Variants in LGSN observed in about 807,000 individuals in gnomAD.
The protein encoded by LGSN is lengsin.
LGSN carries 21 observed loss-of-function variants against 19.5 expected under a neutral mutation model. That is an observed-to-expected ratio of 1.07 (90% CI 0.76 to 1.55). LGSN has a LOEUF of 1.55. Among genes scored for constraint, LGSN ranks in the 40% most tolerant of loss-of-function variants. The pLI is 0.00. For missense variants in LGSN, 673 were observed against 608.5 expected, an observed-to-expected ratio of 1.11 and a Z score of -1.12; for synonymous variants, 257 against 215.6, an observed-to-expected ratio of 1.19 and a Z score of -1.68.
chr6:63,496,561 A>G, the LGSN span, among the ~76,000 whole-genome samples: 1 of 152,202 alleles, frequency 6.6e-6, no homozygotes, highest in Non-Finnish European at 1.5e-5. Flanking sequence ...TGGGTTATAA[A>G]ATAGGCAACA....
the LGSN span, among the ~76,000 whole-genome samples, chr6:63,499,500 C>G: frequency 1.3e-5 from 2 of 152,022 alleles, no homozygotes; most frequent in Non-Finnish European, 2.9e-5. Flanking sequence ...GTTTTTCAAT[C>G]CCTTTTATTT....
the LGSN span, among the ~76,000 whole-genome samples, chr6:63,327,314 A>G: frequency 6.6e-6 from 1 of 152,234 alleles, no homozygotes; most frequent in Non-Finnish European, 1.5e-5. Flanking sequence ...AAGGTAAGTA[A>G]CAGCAAGATG....
chr6:63,391,139 C>T, the LGSN span, among the ~76,000 whole-genome samples: 2 of 152,128 alleles, frequency 1.3e-5, no homozygotes, highest in African/African-American at 2.4e-5. Context: ...TATTTAAAAT[C>T]TCGTTTTTAA....
At chr6:63,357,527 A>C in the LGSN span, among the ~76,000 whole-genome samples, 1 of 152,168 alleles carries the variant, frequency 6.6e-6, no homozygotes, top group Non-Finnish European at 1.5e-5. Context: ...CGCCATTCTA[A>C]CTAGTGTGAG....
chr6:63,283,327 T>C (rs980660969), intron 3 of LGSN, among the ~76,000 whole-genome samples: 2 of 152,126 alleles, frequency 1.3e-5, no homozygotes, highest in Admixed American at 1.3e-4. Flanking sequence ...TAGATCACTA[T>C]GGACCCAATA....
At chr6:63,423,722 G>T in the LGSN span, among the ~76,000 whole-genome samples, 1 of 151,600 alleles carries the variant, frequency 6.6e-6, no homozygotes, top group East Asian at 1.9e-4. Flanking sequence ...ACAACAAAGT[G>T]GCAAAATACT....
chr6:63,399,249 G>A, the LGSN span, among the ~76,000 whole-genome samples: 10 of 152,188 alleles, frequency 6.6e-5, no homozygotes, highest in South Asian at 2.1e-3. Context: ...CGGAGCAATA[G>A]GCTATACCTT....
At chr6:63,410,385 T>A in the LGSN span, among the ~76,000 whole-genome samples, 1 of 152,194 alleles carries the variant, frequency 6.6e-6, no homozygotes, top group East Asian at 1.9e-4. Flanking sequence ...AGTAAAGTCT[T>A]TATGGAATGT....
At chr6:63,335,428 C>G in the LGSN span, among the ~76,000 whole-genome samples, 1 of 151,802 alleles carries the variant, frequency 6.6e-6, no homozygotes, top group South Asian at 2.1e-4. Flanking sequence ...GTAAAAAACC[C>G]AAAGCACAAG....
At chr6:63,335,495 C>T in the LGSN span, among the ~76,000 whole-genome samples, 1 of 151,984 alleles carries the variant, frequency 6.6e-6, no homozygotes, top group African/African-American at 2.4e-5. Flanking sequence ...AGTGGGCAAA[C>T]GACATGAATA....
the LGSN span, chr6:63,549,258 G>A: frequency 1.4e-4 from 107 of 749,368 alleles, no homozygotes; most frequent in African/African-American, 1.7e-3. Flanking sequence ...CAGGGCCTGG[G>A]TGAACTGGTT....
chr6:63,490,640 A>G, the LGSN span, among the ~76,000 whole-genome samples: 1 of 151,932 alleles, frequency 6.6e-6, no homozygotes, highest in Non-Finnish European at 1.5e-5. Flanking sequence ...GTAGTGGTGC[A>G]ACTTCAGCTC....
intron 1 of LGSN, among the ~76,000 whole-genome samples, chr6:63,318,279 G>A (rs1768942199): frequency 6.6e-6 from 1 of 152,160 alleles, no homozygotes; most frequent in Non-Finnish European, 1.5e-5. Context: ...GGAATCCACT[G>A]AGCTTTTGTT....
At chr6:63,434,343 G>A in the LGSN span, among the ~76,000 whole-genome samples, 1 of 151,210 alleles carries the variant, frequency 6.6e-6, no homozygotes, top group Non-Finnish European at 1.5e-5. Context: ...TGGAGGCTGA[G>A]GCAGGAGACT....
the LGSN span, chr6:63,392,140 G>C: frequency 0.11 from 16,294 of 152,292 alleles, 1,801 homozygotes; most frequent in African/African-American, 0.29. Context: ...AAATCTGAGA[G>C]AGGTCAAAGA....
chr6:63,413,205 T>G, the LGSN span, among the ~76,000 whole-genome samples: 1 of 152,132 alleles, frequency 6.6e-6, no homozygotes, highest in African/African-American at 2.4e-5. Flanking sequence ...TCTGTATAAT[T>G]AATAATAATC....
At chr6:63,443,461 C>T in the LGSN span, 19 of 229,502 alleles carry the variant, frequency 8.3e-5, no homozygotes, top group African/African-American at 4.1e-4. Flanking sequence ...GCACCAAGAG[C>T]AAGTGAGGGC....
the LGSN span, among the ~76,000 whole-genome samples, chr6:63,428,941 C>A: frequency 6.6e-6 from 1 of 152,166 alleles, no homozygotes; most frequent in Non-Finnish European, 1.5e-5. Flanking sequence ...CCCAGCTACT[C>A]AGGAGGCTGA....
the LGSN span, among the ~76,000 whole-genome samples, chr6:63,475,475 T>C: frequency 1.3e-5 from 2 of 152,172 alleles, no homozygotes; most frequent in South Asian, 4.1e-4. Context: ...TACTTTGAGA[T>C]GATTAATAAA....
Sources: gnomAD v4.1 joint callset for allele counts (sites outside exome capture counted in the v4.1 genomes callset) on GRCh38, gnomAD v4.1.1 for gene constraint, MANE v1.5 for transcripts, NCBI Gene and HGNC (gene_info 2026-07-23, HGNC 2026-07-21) for gene names.